Variants in ATAD1 observed in about 807,000 individuals in gnomAD.
ATAD1 encodes the protein outer mitochondrial transmembrane helix translocase.
Under a neutral mutation model 42.7 loss-of-function variants are expected in ATAD1, and 18 were observed. The ratio of observed to expected loss-of-function variants is 0.42; its 90% confidence interval spans 0.29 to 0.63. ATAD1 has a LOEUF of 0.63. ATAD1 is among the 20% of genes least tolerant of loss of function. The pLI, the probability that ATAD1 is intolerant of heterozygous loss-of-function variation, is 0.19. For synonymous variants in ATAD1, 132 were observed against 143.1 expected (o/e 0.92, Z 0.55); for missense variants, 294 against 440.4 (o/e 0.67, Z 2.98).
chr10:87,825,308 CTT>C (rs1267573215), intron 1 of ATAD1, among the ~76,000 whole-genome samples: 12 of 132,874 alleles, frequency 9.0e-5, no homozygotes, highest in Admixed American at 1.6e-4. Context: ...AAATCTTAAC[CTT>C]TTTTTTTTTT....
At position 87,756,792 on chromosome 10, in the gene ATAD1, T is replaced by C; in HGVS notation, c.962A>G (p.Glu321Gly). 2.5e-6 allele frequency: 4 copies of C among 1,597,346 alleles called. No individual in the cohort carries two copies. The highest frequency in any genetic ancestry group is 3.4e-6 in the Non-Finnish European group (4 of 1,173,992). Residue 321 changes from glutamate (E) to glycine (G), a missense_variant, in exon 9 of 10, where the codon GAA (glutamate) becomes GGA (glycine). Around this residue, in one of 3 missense-constraint regions of ATAD1, gnomAD observed 142 missense variants for 174.6 expected, o/e 0.81. Transcript: ENST00000680024. ...VREYVNSTSE[E>G]SHDEDEIRPV... ...AAATCAAGTCAAAATAACATACCTT[T>C]CTTCTGATGTAGAATTAACATATTC...
intron 5 of ATAD1, 85 bp downstream of exon 5, chr10:87,784,385 T>C: frequency 7.9e-7 from 1 of 1,266,084 alleles, no homozygotes; most frequent in Non-Finnish European, 1.1e-6. Context: ...TAACATGGCC[T>C]AATAAATGTT....
At chr10:87,814,294 G>A (rs1857314395) in intron 2 of ATAD1, 144 bp downstream of exon 2, 2 of 614,874 alleles carry the variant, frequency 3.3e-6, no homozygotes, top group Admixed American at 7.8e-5. Flanking sequence ...CTTTGTAAGA[G>A]TAATAAAACT....
rs528351387 is a variant in ATAD1, at chr10:87,762,556, C to T, written c.831+5117G>A. Among the ~76,000 whole-genome samples, 240 of 151,800 alleles carry T rather than the reference C, an allele frequency of 1.6e-3. 1 individual carries two copies. The highest frequency in any genetic ancestry group is 5.4e-3 in the African/African-American group (224 of 41,402). ...CTCGGCTCACTGCAACCTCTGCCTC[C>T]GGGGTTCAAGTGATTTTCCTGCCTC... On this transcript the variant is annotated intron_variant, in intron 8 of 9. Coordinates refer to ENST00000680024, the MANE Select transcript of ATAD1 (RefSeq NM_001321967.2).
chr10:87,756,784 C>A lies in ATAD1; in HGVS notation c.965+5G>T. On this transcript the variant is annotated splice_donor_5th_base_variant and intron_variant, in intron 9 of 9. Transcript: ENST00000680024. ...AGTGTTAAAAATCAAGTCAAAATAA[C>A]ATACCTTTCTTCTGATGTAGAATTA... 6.3e-7 allele frequency: 1 copy of A among 1,587,186 alleles called. No homozygotes were observed. The highest frequency in any genetic ancestry group is 1.2e-5 in the South Asian group (1 of 84,856).
At chr10:87,795,807 A>G (rs753964135) in intron 2 of ATAD1, among the ~76,000 whole-genome samples, 2 of 152,200 alleles carry the variant, frequency 1.3e-5, no homozygotes, top group South Asian at 2.1e-4. Context: ...CACTCATTTC[A>G]TTCAGGTTCT....
intron 5 of ATAD1, among the ~76,000 whole-genome samples, chr10:87,783,491 A>C (rs577423768): frequency 6.6e-6 from 1 of 152,132 alleles, no homozygotes; most frequent in Non-Finnish European, 1.5e-5. Flanking sequence ...ACAAGTAACC[A>C]AAACAAAGCT....
chr10:87,758,906 A>G (rs1337883174), intron 8 of ATAD1, among the ~76,000 whole-genome samples: 2 of 152,186 alleles, frequency 1.3e-5, no homozygotes, highest in Admixed American at 6.5e-5. Flanking sequence ...ATGTACTGCC[A>G]CATCAGTGAG....
chr10:87,805,237 T>C (rs1358398053), intron 2 of ATAD1, among the ~76,000 whole-genome samples: 1 of 152,206 alleles, frequency 6.6e-6, no homozygotes, highest in Non-Finnish European at 1.5e-5. Flanking sequence ...ATGTGTATTC[T>C]AATTCCTTAA....
rs527824080 is a variant in ATAD1, at chr10:87,835,640, C to G, written c.-14+5547G>C. On this transcript the variant is annotated intron_variant, in intron 1 of 4. Coordinates refer to the ATAD1 transcript ENST00000495903. Reference sequence around the variant, plus strand: ...TCAGTGGGCATATTTAGGTGTTTTTCCATTTAATGTAATAATTGATATATT... The same window carrying G: ...TCAGTGGGCATATTTAGGTGTTTTTGCATTTAATGTAATAATTGATATATT... 3.9e-5 allele frequency among the ~76,000 whole-genome samples: 6 copies of G among 152,124 alleles called. No homozygotes were observed. In the East Asian group the frequency reaches 7.7e-4, roughly 20 times the overall value.
At chr10:87,783,735 T>G (rs912937457) in intron 5 of ATAD1, among the ~76,000 whole-genome samples, 8 of 151,730 alleles carry the variant, frequency 5.3e-5, no homozygotes, top group African/African-American at 1.7e-4. Flanking sequence ...ATAAAAGTCA[T>G]GACATACAGC....
intron 2 of ATAD1, among the ~76,000 whole-genome samples, chr10:87,806,336 C>T (rs1589545017): frequency 1.3e-5 from 2 of 151,496 alleles, no homozygotes; most frequent in East Asian, 3.9e-4. Flanking sequence ...AAAATAATAT[C>T]TTAGACTGTT....
At chr10:87,804,391 A>T (rs2132016919) in intron 2 of ATAD1, among the ~76,000 whole-genome samples, 1 of 152,306 alleles carries the variant, frequency 6.6e-6, no homozygotes, top group South Asian at 2.1e-4. Flanking sequence ...TTATTTTGAG[A>T]CAGGGTCTTA....
Position 87,753,292 on chromosome 10 carries a change from A to C in ATAD1, c.*1395T>G, listed in dbSNP as rs1854088879. The C allele has an allele frequency of 6.6e-6, 1 of 152,168 alleles. No individual in the cohort carries two copies. Among genetic ancestry groups the C allele is most frequent in the African/African-American group, 2.4e-5 (1 of 41,434 alleles). The allele number at this position is 152,168 out of a possible 1,614,324, so 9.4% of individuals were successfully genotyped here. On this transcript the variant is annotated 3_prime_UTR_variant, in exon 10 of 10. Coordinates refer to ENST00000680024, the MANE Select transcript of ATAD1 (RefSeq NM_001321967.2). ...CCTGAAACTTCCACCCCACCATTCA[A>C]AGTACAACTGAAGAATAAACGATCT...
rs1444084968 is a variant in ATAD1 at position 87,756,855 on chromosome 10, T to C, written c.899A>G (p.Lys300Arg). The change falls in exon 9 of 10, where the codon AAA (lysine) becomes AGA (arginine). Residue 300 changes from lysine to arginine, a missense_variant. This residue lies in a region of ATAD1 where 142 missense variants were observed against 174.6 expected (regional missense o/e 0.81). Transcript: ENST00000680024. ...GAGGGCAGCATCTCGACACATCTCT[T>C]TTAGGTCACTTCCTGAAAACCCATC... Reference protein sequence around the residue: ...ETDGFSGSDLKEMCRDAALLC... With the variant: ...ETDGFSGSDLREMCRDAALLC... The C allele has an allele frequency of 1.9e-6, 3 of 1,612,888 alleles. No individual in the cohort carries two copies. In the South Asian group the frequency reaches 3.3e-5, roughly 18 times the overall value.
At chr10:87,758,009 G>A (rs963418949) in intron 8 of ATAD1, among the ~76,000 whole-genome samples, 2 of 152,162 alleles carry the variant, frequency 1.3e-5, no homozygotes, top group Admixed American at 6.5e-5. Flanking sequence ...AAGCAGCAAT[G>A]ATAAGCAAAG....
In ATAD1 at chr10:87,775,096, T is replaced by A. The variant is rs1014366781; in HGVS notation, c.690+1225A>T. ...ATAATTCTAAATATAATACTTTTTT[T>A]AAAAAGGCAAAAACAGATTACAAAA... On this transcript the variant is annotated intron_variant, in intron 6 of 9. Coordinates refer to ENST00000680024, the MANE Select transcript of ATAD1 (RefSeq NM_001321967.2). Among the ~76,000 whole-genome samples, 43 of 152,188 alleles carry A rather than the reference T, an allele frequency of 2.8e-4. 1 individual carries two copies. The highest frequency in any genetic ancestry group is 2.4e-3 in the Admixed American group (37 of 15,274).
chr10:87,775,868 AGCT>A (rs1477787759), intron 6 of ATAD1, among the ~76,000 whole-genome samples: 1 of 152,250 alleles, frequency 6.6e-6, no homozygotes, highest in Non-Finnish European at 1.5e-5. Flanking sequence ...TGTCAGTTTC[AGCT>A]ACTAATGAAC....
chr10:87,777,533 A>T (rs901068813), intron 5 of ATAD1, among the ~76,000 whole-genome samples: 8 of 151,810 alleles, frequency 5.3e-5, no homozygotes, highest in African/African-American at 1.7e-4. Context: ...ATGCTTTTTT[A>T]AAAAAAGGGG....
Sources: gnomAD v4.1 joint callset for allele counts (sites outside exome capture counted in the v4.1 genomes callset) on GRCh38, gnomAD v4.1.1 for gene constraint, gnomAD v4.1.1 regional missense constraint, MANE v1.5 for transcripts, NCBI Gene and HGNC (gene_info 2026-07-23, HGNC 2026-07-21) for gene names.